The following EBF3 variants were observed in gnomAD, a reference collection of about 807,000 sequenced individuals.
The protein encoded by EBF3 is EBF transcription factor 3, also known as transcription factor COE3.
In EBF3, 18 loss-of-function variants were observed where a neutral mutation model predicts 77.1. That is an observed-to-expected ratio of 0.23 (90% CI 0.16 to 0.35). The LOEUF (loss-of-function observed/expected upper bound fraction) is 0.35. Among genes scored for constraint, EBF3 ranks in the 10% least tolerant of loss-of-function variants. The probability of loss-of-function intolerance (pLI) is 1.00; values close to 1 mark genes in which losing one functional copy is unlikely to be tolerated. For missense variants in EBF3, 558 were observed against 860.0 expected (o/e 0.65, Z 4.39); for synonymous variants, 350 against 343.5 (o/e 1.02, Z -0.21).
At chr10:129,844,197 G>A (rs79620088) in intron 11 of EBF3, among the ~76,000 whole-genome samples, 75 of 150,952 alleles carry the variant, frequency 5.0e-4, no homozygotes, top group Non-Finnish European at 9.3e-4. Context: ...CCCCAGGCCC[G>A]GTCTAGGAGA....
At chr10:129,939,634 C>T (rs961235209) in intron 6 of EBF3, among the ~76,000 whole-genome samples, 11 of 152,196 alleles carry the variant, frequency 7.2e-5, no homozygotes, top group Admixed American at 6.5e-4. Flanking sequence ...CTCCTAATGC[C>T]ACCCCGGGGC....
chr10:129,869,998 A>C (rs1490646913), intron 8 of EBF3, among the ~76,000 whole-genome samples: 1 of 152,184 alleles, frequency 6.6e-6, no homozygotes, highest in Non-Finnish European at 1.5e-5. Context: ...TTCACAAAAA[A>C]AAAAAATTAC....
chr10:129,941,183 C>A (rs781271849), intron 6 of EBF3, among the ~76,000 whole-genome samples: 4 of 152,204 alleles, frequency 2.6e-5, no homozygotes, highest in Non-Finnish European at 5.9e-5. Context: ...CTAAATTCAG[C>A]CTGTTGGCAG....
chr10:129,936,592 C>A (rs1857377461), intron 6 of EBF3, among the ~76,000 whole-genome samples: 1 of 146,230 alleles, frequency 6.8e-6, no homozygotes, highest in African/African-American at 2.6e-5. Context: ...CTATGGGGGA[C>A]CCTCGGTCTG....
At chr10:129,839,720 C>T (rs535700346) in intron 15 of EBF3, among the ~76,000 whole-genome samples, 41 of 152,334 alleles carry the variant, frequency 2.7e-4, no homozygotes, top group African/African-American at 8.9e-4. Flanking sequence ...GGCCCAGCCT[C>T]GGGACAACGA....
chr10:129,921,655 G>A (rs755356761), intron 6 of EBF3, among the ~76,000 whole-genome samples: 8 of 152,212 alleles, frequency 5.3e-5, no homozygotes, highest in Non-Finnish European at 1.2e-4. Flanking sequence ...AACAGAGGAG[G>A]ATGTCTGCGT....
At chr10:129,895,144 T>C (rs978468986) in intron 6 of EBF3, among the ~76,000 whole-genome samples, 8 of 152,228 alleles carry the variant, frequency 5.3e-5, no homozygotes, top group Non-Finnish European at 1.0e-4. Flanking sequence ...CGAGATTCCA[T>C]TCGTCCATCG....
Position 129,951,361 on chromosome 10 carries a change from A to C in EBF3, c.554+5897T>G, listed in dbSNP as rs937069361. On this transcript the variant is annotated intron_variant, in intron 6 of 16. Transcript: ENST00000440978. Reference sequence around the variant, plus strand: ...CCTGATAAGGCTGCCGCAGCGGTGCAGGATGCTTTCCGTCAACATGCCTCC... The same window carrying C: ...CCTGATAAGGCTGCCGCAGCGGTGCCGGATGCTTTCCGTCAACATGCCTCC... Among the ~76,000 whole-genome samples the C allele has an allele frequency of 2.0e-5, 3 of 152,236 alleles. No individual in the cohort carries two copies. The South Asian group carries it at 6.2e-4, about 32-fold the overall frequency.
rs1021294218 is a variant in EBF3 at position 129,836,906 on chromosome 10, C to T, written c.*1037G>A. 1 of 152,600 alleles carries T rather than the reference C, an allele frequency of 6.6e-6. No individual in the cohort carries two copies. The highest frequency in any genetic ancestry group is 2.4e-5 in the African/African-American group (1 of 41,436). 9.5% of individuals were successfully genotyped at this position (152,600 alleles called of 1,614,324 possible). A position where few individuals can be genotyped will look rare whatever the true frequency, so the allele number is the denominator to read the frequency against. On this transcript the variant is annotated 3_prime_UTR_variant, in exon 17 of 17. Coordinates refer to ENST00000440978, the MANE Select transcript of EBF3 (RefSeq NM_001375380.1). Reference sequence around the variant, plus strand: ...TGGGAAAGTAAGTGTCAAATGAAGACCATTTTATTCCTTATAAGACACATA... The same window carrying T: ...TGGGAAAGTAAGTGTCAAATGAAGATCATTTTATTCCTTATAAGACACATA...
intron 6 of EBF3, among the ~76,000 whole-genome samples, chr10:129,910,339 C>T (rs903649961): frequency 4.6e-5 from 7 of 152,234 alleles, no homozygotes; most frequent in African/African-American, 1.2e-4. Flanking sequence ...GAGACTGCTT[C>T]TCCTTCCCTG....
chr10:129,890,574 A>G (rs938981505), intron 6 of EBF3, among the ~76,000 whole-genome samples: 2 of 152,234 alleles, frequency 1.3e-5, no homozygotes, highest in Admixed American at 6.5e-5. Flanking sequence ...GAATATTTTT[A>G]TCATTTGGAA....
chr10:129,932,528 A>C (rs767880222), intron 6 of EBF3, among the ~76,000 whole-genome samples: 11 of 152,212 alleles, frequency 7.2e-5, no homozygotes, highest in Non-Finnish European at 1.6e-4. Flanking sequence ...CATTGCCTAA[A>C]AGATCAATAC....
chr10:129,867,126 G>A lies in EBF3; in HGVS notation c.1039+15C>T. On this transcript the variant is annotated intron_variant, in intron 10 of 16. Coordinates refer to ENST00000440978, the MANE Select transcript of EBF3 (RefSeq NM_001375380.1). The stretch of plus-strand genomic sequence containing the variant: ...CTCTACCGCTTTCCCGCAGAAGCTG[G>A]AGCTGTGAACTCACCGGTGTAGACA... 6.2e-7 allele frequency: 1 copy of A among 1,608,980 alleles called. No homozygotes were observed.
intron 6 of EBF3, among the ~76,000 whole-genome samples, chr10:129,886,013 G>T (rs1164821375): frequency 1.3e-5 from 2 of 151,494 alleles, no homozygotes; most frequent in Non-Finnish European, 2.9e-5. Context: ...GTGGGTGAGG[G>T]GGTGTTGTTT....
chr10:129,925,215 A>G (rs1358757074), intron 6 of EBF3, among the ~76,000 whole-genome samples: 1 of 151,492 alleles, frequency 6.6e-6, no homozygotes, highest in Non-Finnish European at 1.5e-5. Flanking sequence ...TGAGGCGGGC[A>G]GATCACCTGA....
At position 129,843,197 on chromosome 10, in the gene EBF3, C is replaced by T. The variant is rs370927134; in HGVS notation, c.1134G>A (p.Val378=). The change falls in exon 12 of 17, where the codon GTG becomes GTA. Residue 378 remains valine (V), a synonymous_variant. Coordinates refer to ENST00000440978, the MANE Select transcript of EBF3 (RefSeq NM_001375380.1). ...PGDPERLPKE[V]LLKRAADLVE... ...CCAGGTCCGCCGCCCGCTTCAGTAACACCTCCTAAAGGAAGAGCAGACAGG... is the reference window on the plus strand; with the variant it reads ...CCAGGTCCGCCGCCCGCTTCAGTAATACCTCCTAAAGGAAGAGCAGACAGG... 19 of 1,611,972 alleles carry T rather than the reference C, an allele frequency of 1.2e-5. No individual in the cohort carries two copies. Among genetic ancestry groups the T allele is most frequent in the African/African-American group, 6.7e-5 (5 of 75,028 alleles).
rs1358957895 is a variant in EBF3, at chr10:129,838,142, C to T, written c.1873-182G>A. Among the ~76,000 whole-genome samples, 5 of 152,350 alleles carry T rather than the reference C, an allele frequency of 3.3e-5. No individual in the cohort carries two copies. In the East Asian group the frequency reaches 9.7e-4, roughly 29 times the overall value. ...GGGAATCTGCTTCCTGAGGTGGGGG[C>T]ACACGTGGGGACAACAACCCCCAGT... On this transcript the variant is annotated intron_variant, in intron 16 of 16. Transcript: ENST00000440978.
chr10:129,838,141 G>A (rs1158275494), intron 16 of EBF3, among the ~76,000 whole-genome samples, 181 bp from the exon 17 acceptor site: 2 of 152,232 alleles, frequency 1.3e-5, no homozygotes, highest in East Asian at 3.9e-4. Context: ...TGAGGTGGGG[G>A]CACACGTGGG....
At chr10:129,923,050 C>T (rs958092980) in intron 6 of EBF3, among the ~76,000 whole-genome samples, 1 of 152,186 alleles carries the variant, frequency 6.6e-6, no homozygotes, top group African/African-American at 2.4e-5. Flanking sequence ...GAGGGGTAAC[C>T]CGAATATCTC....
Sources: allele counts gnomAD v4.1 joint callset (sites outside exome capture counted in the v4.1 genomes callset), GRCh38; gene constraint gnomAD v4.1.1; transcripts MANE v1.5; gene names NCBI Gene and HGNC (gene_info 2026-07-23, HGNC 2026-07-21).